UBE2D4: variants seen among roughly 807,000 people sequenced by gnomAD.
UBE2D4 encodes ubiquitin conjugating enzyme E2 D4, also known as ubiquitin-conjugating enzyme E2 D4.
In UBE2D4, 17 loss-of-function variants were observed where a neutral mutation model predicts 23.0. The ratio of observed to expected loss-of-function variants is 0.74; its 90% CI spans 0.51 to 1.11. UBE2D4 has a LOEUF of 1.11. Among genes scored for constraint, UBE2D4 ranks in the 50% least tolerant of loss-of-function variants. The pLI is 0.00. For synonymous variants in UBE2D4, 61 were observed against 69.4 expected (o/e 0.88, Z 0.60); for missense variants, 139 against 181.8 (o/e 0.76, Z 1.35).
At chr7:43,934,170 G>C (rs557379458) in intron 1 of UBE2D4, among the ~76,000 whole-genome samples, 1 of 152,160 alleles carries the variant, frequency 6.6e-6, no homozygotes, top group African/African-American at 2.4e-5. Context: ...AGAAAGGAAG[G>C]TACCACCTAC....
chr7:43,930,945 G>A (rs958422374), intron 1 of UBE2D4, among the ~76,000 whole-genome samples: 4 of 152,028 alleles, frequency 2.6e-5, no homozygotes, highest in East Asian at 1.9e-4. Flanking sequence ...TCAACATGGT[G>A]AAACCCCATA....
At position 43,943,217 on chromosome 7, in the gene UBE2D4, G is replaced by A. The variant is rs144409304; in HGVS notation, c.198+186G>A. On this transcript the variant is annotated intron_variant, in intron 4 of 6. Coordinates refer to ENST00000222402, the MANE Select transcript of UBE2D4 (RefSeq NM_015983.4). ...GACTTTGGGAATTAGCACCTGTTGT[G>A]ATCAAGGGTCAGTGGGGTGAGCTGG... is the stretch of plus-strand genomic sequence containing the variant. 1.6e-4 allele frequency: 99 copies of A among 635,946 alleles called. No individual in the cohort carries two copies. The African/African-American group carries it at 1.7e-3, about 11-fold the overall frequency. The allele number at this position is 635,946 out of a possible 1,614,324, so 39.4% of individuals were successfully genotyped here.
Position 43,950,648 on chromosome 7 carries a change from C to T in UBE2D4, c.354C>T (p.Pro118=), listed in dbSNP as rs372516878. ...SLLCDPNPDD[P]LVPEIAHTYK... Reference sequence around the variant, plus strand: ...TCTGCGACCCCAACCCCGATGACCCCCTGGTGCCAGAGATAGCACACACCT... The same window carrying T: ...TCTGCGACCCCAACCCCGATGACCCTCTGGTGCCAGAGATAGCACACACCT... Residue 118 remains proline (P), a synonymous_variant, in exon 6 of 7, where the codon CCC becomes CCT. Coordinates refer to ENST00000222402, the MANE Select transcript of UBE2D4 (RefSeq NM_015983.4). 9.5e-5 allele frequency: 154 copies of T among 1,614,234 alleles called. No homozygotes were observed. The Admixed American group carries it at 9.7e-4, about 10-fold the overall frequency.
chr7:43,942,777 A>G, intron 2 of UBE2D4, 49 bp from the exon 3 acceptor site: 1 of 1,613,212 alleles, frequency 6.2e-7, no homozygotes, highest in Admixed American at 1.7e-5. Context: ...GTAGAATGAC[A>G]TGTTTCTTGG....
chr7:43,935,471 CA>C (rs1585861847), intron 1 of UBE2D4, among the ~76,000 whole-genome samples: 1 of 152,066 alleles, frequency 6.6e-6, no homozygotes, highest in East Asian at 1.9e-4. Context: ...AACTTATGGC[CA>C]CAGAATACAT....
At chr7:43,951,794 A>AT (rs1322417804) in intron 6 of UBE2D4, 1 of 152,176 alleles carries the variant, frequency 6.6e-6, no homozygotes, top group African/African-American at 2.4e-5. Context: ...AAGTGCTGGG[A>AT]TTATAGGCGT....
At position 43,939,990 on chromosome 7, in the gene UBE2D4, T is replaced by C. The variant is rs146841712; in HGVS notation, c.88+1496T>C. ...TTTCATGCCACAGAATTGTACACTT[T>C]AAAGTTGTTTAAATTGCATATTTTA... On this transcript the variant is annotated intron_variant, in intron 2 of 6. Transcript: ENST00000222402. Among the ~76,000 whole-genome samples, 648 of 152,326 alleles carry C rather than the reference T, an allele frequency of 4.3e-3. 5 individuals are homozygous for C. The highest frequency in any genetic ancestry group is 0.014 in the African/African-American group (599 of 41,570).
intron 1 of UBE2D4, among the ~76,000 whole-genome samples, chr7:43,934,262 A>G (rs1281911236): frequency 6.6e-6 from 1 of 152,056 alleles, no homozygotes; most frequent in Non-Finnish European, 1.5e-5. Context: ...TTTGCAGAAT[A>G]AGTATTCATG....
intron 2 of UBE2D4, 35 bp downstream of exon 2, chr7:43,938,529 AT>A (rs1444287652): frequency 1.2e-6 from 2 of 1,606,730 alleles, no homozygotes; most frequent in Admixed American, 3.3e-5. Flanking sequence ...TTGTAGGAGC[AT>A]TTTAATTAAG....
At chr7:43,950,514 C>A in intron 5 of UBE2D4, 85 bp from the exon 6 acceptor site, 1 of 996,556 alleles carries the variant, frequency 1.0e-6, no homozygotes, top group Non-Finnish European at 1.6e-6. Flanking sequence ...GGTCAAAATA[C>A]AGAGTGCAAG....
chr7:43,936,587 C>T (rs989670814), intron 1 of UBE2D4, among the ~76,000 whole-genome samples: 1 of 152,148 alleles, frequency 6.6e-6, no homozygotes, highest in Admixed American at 6.5e-5. Context: ...CTGTCCCTAG[C>T]CATCCAGTTC....
At chr7:43,939,011 C>G (rs998819101) in intron 2 of UBE2D4, among the ~76,000 whole-genome samples, 4 of 152,244 alleles carry the variant, frequency 2.6e-5, no homozygotes, top group African/African-American at 9.6e-5. Flanking sequence ...TGCACTGCCT[C>G]TCATGTCCCA....
At position 43,947,642 on chromosome 7, in the gene UBE2D4, A is replaced by G. The variant is rs558704427; in HGVS notation, c.199-990A>G. ...GCTATTGTGAATAGTGCCGCAATAA[A>G]CATACATGTGCATGTGTCTTTATAG... On this transcript the variant is annotated intron_variant, in intron 4 of 6. Coordinates refer to ENST00000222402, the MANE Select transcript of UBE2D4 (RefSeq NM_015983.4). Among the ~76,000 whole-genome samples the G allele has an allele frequency of 5.9e-5, 9 of 152,360 alleles. No homozygotes were observed. The South Asian group carries it at 1.9e-3, about 32-fold the overall frequency.
At chr7:43,936,865 C>T (rs938081072) in intron 1 of UBE2D4, among the ~76,000 whole-genome samples, 3 of 152,190 alleles carry the variant, frequency 2.0e-5, no homozygotes, top group African/African-American at 7.2e-5. Flanking sequence ...AAAGTGATTT[C>T]CTCAGTGACG....
At position 43,948,734 on chromosome 7, in the gene UBE2D4, A is replaced by G. The variant is rs2095994343; in HGVS notation, c.301A>G (p.Lys101Glu). 1 of 1,608,700 alleles carries G rather than the reference A, an allele frequency of 6.2e-7. No homozygotes were observed. The highest frequency in any genetic ancestry group is 8.5e-7 in the Non-Finnish European group (1 of 1,175,438). The change falls in exon 5 of 7, where the codon AAA becomes GAA. Residue 101 changes from lysine to glutamate, a missense_variant. Coordinates refer to ENST00000222402, the MANE Select transcript of UBE2D4 (RefSeq NM_015983.4). ...GTGGTCTCCAGCGTTGACTGTGTCA[A>G]AAGGTAGAGATGCTGATGGCATGCT... ...SQWSPALTVS[K>E]VLLSICSLLC...
chr7:43,937,358 A>G (rs2095960748), intron 1 of UBE2D4, among the ~76,000 whole-genome samples: 1 of 152,230 alleles, frequency 6.6e-6, no homozygotes, highest in Non-Finnish European at 1.5e-5. Flanking sequence ...GAACTGTTCC[A>G]CAGAGATTTC....
In UBE2D4 at chr7:43,951,403, G is replaced by A. The variant is rs1454806532; in HGVS notation, c.398+711G>A. 2.0e-5 allele frequency among the ~76,000 whole-genome samples: 3 copies of A among 152,322 alleles called. No individual in the cohort carries two copies. In the East Asian group the frequency reaches 5.8e-4, roughly 29 times the overall value. On this transcript the variant is annotated intron_variant, in intron 6 of 6. Coordinates refer to ENST00000222402, the MANE Select transcript of UBE2D4 (RefSeq NM_015983.4). ...CAGGGGCCGCAGTCCAGTGAGTGGT[G>A]TGAATCTCAGTTGTGGACCTTCAGG...
At chr7:43,942,208 C>A (rs2095974596) in intron 2 of UBE2D4, 1 of 154,472 alleles carries the variant, frequency 6.5e-6, no homozygotes, top group Admixed American at 6.3e-5. Flanking sequence ...CCCAGCTCCT[C>A]AGGAGGTTGA....
At chr7:43,947,465 T>C (rs2095990638) in intron 4 of UBE2D4, among the ~76,000 whole-genome samples, 1 of 152,196 alleles carries the variant, frequency 6.6e-6, no homozygotes. Flanking sequence ...GATAGTTTGC[T>C]GAGAATGATG....
Sources: allele counts gnomAD v4.1 joint callset (sites outside exome capture counted in the v4.1 genomes callset), GRCh38; gene constraint gnomAD v4.1.1; transcripts MANE v1.5; gene names NCBI Gene and HGNC (gene_info 2026-07-23, HGNC 2026-07-21).